CRACD: variants seen among roughly 807,000 people sequenced by gnomAD.
The protein encoded by CRACD is capping protein-inhibiting regulator of actin dynamics.
A neutral mutation model predicts 106.8 loss-of-function variants in CRACD; 56 were observed. The observed-to-expected ratio is 0.52, with a 90% confidence interval of 0.42 to 0.66. The LOEUF (loss-of-function observed/expected upper bound fraction) is 0.66, where lower values mean the gene tolerates loss of function less well. Ranked by LOEUF, CRACD falls within the 30% of genes least tolerant of loss-of-function variation. The pLI, the probability that CRACD is intolerant of heterozygous loss-of-function variation, is 0.00. For synonymous variants in CRACD, 754 were observed against 670.8 expected (o/e 1.12, Z -1.92); for missense variants, 1,730 against 1,623.2 (o/e 1.07, Z -1.13).
intron 1 of CRACD, among the ~76,000 whole-genome samples, chr4:56,059,225 C>G (rs1002109270): frequency 5.9e-5 from 9 of 152,076 alleles, no homozygotes; most frequent in African/African-American, 2.2e-4. Context: ...ATCACTTGAG[C>G]CTAGGAGTTT....
intron 1 of CRACD, among the ~76,000 whole-genome samples, chr4:56,119,642 C>A (rs1226654239): frequency 6.6e-6 from 1 of 152,008 alleles, no homozygotes; most frequent in East Asian, 1.9e-4. Flanking sequence ...GCCCTATTCT[C>A]AGTTTTTTCC....
At chr4:56,084,695 A>G (rs752780521) in intron 1 of CRACD, among the ~76,000 whole-genome samples, 1 of 152,160 alleles carries the variant, frequency 6.6e-6, no homozygotes, top group Non-Finnish European at 1.5e-5. Flanking sequence ...GCCCTTTCCT[A>G]GTAATTGATA....
At chr4:56,147,909 C>A (rs1286383009) in intron 1 of CRACD, among the ~76,000 whole-genome samples, 1 of 152,106 alleles carries the variant, frequency 6.6e-6, no homozygotes, top group African/African-American at 2.4e-5. Flanking sequence ...TGAGATGGGG[C>A]CATAATGGAA....
chr4:56,049,643 G>A (rs1199712033), intron 1 of CRACD, among the ~76,000 whole-genome samples: 1 of 152,178 alleles, frequency 6.6e-6, no homozygotes, highest in African/African-American at 2.4e-5. Context: ...CAGGTCCCTG[G>A]CTCGGTCCCG....
At chr4:56,190,612 CT>C (rs561207736) in intron 2 of CRACD, among the ~76,000 whole-genome samples, 2 of 152,152 alleles carry the variant, frequency 1.3e-5, no homozygotes, top group Non-Finnish European at 2.9e-5. Flanking sequence ...AAGAGGTGGG[CT>C]TCTATGGCCT....
chr4:56,160,547 C>G (rs1313572467), intron 1 of CRACD, among the ~76,000 whole-genome samples: 1 of 152,186 alleles, frequency 6.6e-6, no homozygotes, highest in Non-Finnish European at 1.5e-5. Context: ...ACCCTCGCCT[C>G]CTGCCTGCAG....
At chr4:56,231,729 C>T (rs868798499) in intron 2 of CRACD, among the ~76,000 whole-genome samples, 65 of 152,288 alleles carry the variant, frequency 4.3e-4, no homozygotes, top group African/African-American at 1.6e-3. Context: ...AAAACCAAGT[C>T]AGGATAGGGA....
intron 1 of CRACD, among the ~76,000 whole-genome samples, chr4:56,128,699 T>G (rs916162238): frequency 2.0e-5 from 3 of 152,146 alleles, no homozygotes; most frequent in Non-Finnish European, 4.4e-5. Context: ...CCCAGGAATT[T>G]GACGCCAACC....
intron 1 of CRACD, among the ~76,000 whole-genome samples, chr4:56,060,408 A>G (rs1390752167): frequency 1.3e-5 from 2 of 152,024 alleles, no homozygotes; most frequent in African/African-American, 4.8e-5. Context: ...AGAATAAGGG[A>G]AGATCAGGAG....
chr4:56,147,509 A>G (rs1735430199), intron 1 of CRACD, among the ~76,000 whole-genome samples: 2 of 152,174 alleles, frequency 1.3e-5, no homozygotes, highest in Admixed American at 1.3e-4. Context: ...CATTTTATAT[A>G]AATGGGATCA....
At chr4:56,209,497 T>C (rs1738293869) in intron 2 of CRACD, among the ~76,000 whole-genome samples, 1 of 152,170 alleles carries the variant, frequency 6.6e-6, no homozygotes, top group Non-Finnish European at 1.5e-5. Context: ...CTACATGAAC[T>C]CTTTAACCCT....
At chr4:56,327,172 C>A (rs143538938) in intron 10 of CRACD, among the ~76,000 whole-genome samples, 1 of 152,168 alleles carries the variant, frequency 6.6e-6, no homozygotes, top group African/African-American at 2.4e-5. Context: ...GAAATTAGAA[C>A]TGACTACTTT....
chr4:56,268,383 G>A (rs1742150958), intron 2 of CRACD, among the ~76,000 whole-genome samples: 1 of 151,854 alleles, frequency 6.6e-6, no homozygotes, highest in South Asian at 2.1e-4. Flanking sequence ...TTCTTATAAT[G>A]TTGCTATTGT....
intron 3 of CRACD, 24 bp from the exon 4 acceptor site, chr4:56,298,190 T>C (rs753523805): frequency 2.7e-5 from 44 of 1,600,764 alleles, no homozygotes; most frequent in Non-Finnish European, 3.5e-5. Flanking sequence ...CCTAATAAAA[T>C]GAAGCACATG....
intron 2 of CRACD, among the ~76,000 whole-genome samples, chr4:56,217,358 T>C (rs957608992): frequency 5.5e-5 from 8 of 146,290 alleles, no homozygotes; most frequent in Non-Finnish European, 9.0e-5. Context: ...CTTGGTTTTA[T>C]ACATTTTAGA....
intron 1 of CRACD, among the ~76,000 whole-genome samples, chr4:56,104,558 G>A (rs1343804006): frequency 6.6e-6 from 1 of 152,188 alleles, no homozygotes; most frequent in Non-Finnish European, 1.5e-5. Flanking sequence ...AGGGAGTTCA[G>A]AACTTCGAGG....
At chr4:56,056,598 C>CA (rs368856795) in intron 1 of CRACD, among the ~76,000 whole-genome samples, 30,944 of 142,388 alleles carry the variant, frequency 0.22, 3,413 homozygotes, top group African/African-American at 0.25. Flanking sequence ...AAAAAAAAAC[C>CA]AAAAAAAAAA....
At chr4:56,128,147 G>A (rs1244763611) in intron 1 of CRACD, among the ~76,000 whole-genome samples, 1 of 151,976 alleles carries the variant, frequency 6.6e-6, no homozygotes, top group Non-Finnish European at 1.5e-5. Context: ...GTGGGGGTGT[G>A]GTCTAGGGAG....
chr4:56,256,551 GC>G (rs1328543017), intron 2 of CRACD, among the ~76,000 whole-genome samples: 14 of 152,246 alleles, frequency 9.2e-5, no homozygotes, highest in African/African-American at 3.4e-4. Flanking sequence ...TTTCCATGAA[GC>G]CTGAGCTGCC....
Sources: allele counts gnomAD v4.1 joint callset (sites outside exome capture counted in the v4.1 genomes callset), GRCh38; gene constraint gnomAD v4.1.1; transcripts MANE v1.5; gene names NCBI Gene and HGNC (gene_info 2026-07-23, HGNC 2026-07-21).